BARD1: variants seen among roughly 807,000 people sequenced by gnomAD.
BARD1 encodes the protein BRCA1-associated RING domain protein 1.
A neutral mutation model predicts 77.0 loss-of-function variants in BARD1; 73 were observed. That is an observed-to-expected ratio of 0.95 (90% CI 0.79 to 1.15). The LOEUF (loss-of-function observed/expected upper bound fraction) is 1.15. Among genes scored for constraint, BARD1 ranks in the 50% most tolerant of loss-of-function variants. BARD1 has a pLI of 0.00. For missense variants in BARD1, 993 were observed against 938.8 expected (o/e 1.06, Z -0.75); for synonymous variants, 384 against 338.0 (o/e 1.14, Z -1.49).
At chr2:214,751,218 C>A (rs1171312721) in intron 7 of BARD1, among the ~76,000 whole-genome samples, 1 of 130,188 alleles carries the variant, frequency 7.7e-6, no homozygotes, top group Non-Finnish European at 1.6e-5. Flanking sequence ...AATGCAGTGG[C>A]CTGATCTCGG....
chr2:214,771,707 G>A (rs1487662924), intron 4 of BARD1, among the ~76,000 whole-genome samples: 16 of 150,920 alleles, frequency 1.1e-4, no homozygotes, highest in Admixed American at 6.6e-5. Flanking sequence ...CAGCCTGGGC[G>A]ACAGAGCGAG....
intron 6 of BARD1, among the ~76,000 whole-genome samples, chr2:214,756,679 C>A (rs1024569543): frequency 1.7e-4 from 26 of 152,168 alleles, no homozygotes; most frequent in African/African-American, 6.3e-4. Context: ...GCATTCACAG[C>A]AACCTGGATG....
intron 2 of BARD1, among the ~76,000 whole-genome samples, chr2:214,792,818 G>A (rs1383193975): frequency 1.3e-5 from 2 of 152,090 alleles, no homozygotes. Context: ...AACTACTGCA[G>A]ACACTGGGAA....
chr2:214,757,933 C>CAA (rs77798567), intron 6 of BARD1, among the ~76,000 whole-genome samples: 12 of 149,938 alleles, frequency 8.0e-5, no homozygotes, highest in Admixed American at 2.0e-4. Context: ...TTAGAACCAC[C>CAA]AAAAAAAAGG....
chr2:214,768,660 T>A (rs959441117), intron 5 of BARD1, among the ~76,000 whole-genome samples: 1 of 152,218 alleles, frequency 6.6e-6, no homozygotes, highest in African/African-American at 2.4e-5. Context: ...CCTAATGTAA[T>A]TGGCCTACAT....
chr2:214,808,859 T>C (rs1696409499), intron 1 of BARD1, among the ~76,000 whole-genome samples: 2 of 152,236 alleles, frequency 1.3e-5, no homozygotes, highest in Non-Finnish European at 2.9e-5. Context: ...AGAAATTCCG[T>C]GCCATCTTCA....
Position 214,730,993 on chromosome 2 carries a change from T to C in BARD1, c.1904-485A>G, listed in dbSNP as rs571154441. 51 of 441,456 alleles carry C rather than the reference T, an allele frequency of 1.2e-4. No individual in the cohort carries two copies. The highest frequency in any genetic ancestry group is 2.2e-4 in the Non-Finnish European group (48 of 218,844). The allele number at this position is 441,456 out of a possible 1,614,324, so 27.3% of individuals were successfully genotyped here. A position where few individuals can be genotyped will look rare whatever the true frequency, so the allele number is the denominator to read the frequency against. Reference sequence around the variant, plus strand: ...TGACATGAAGGAATGTGCTTTAGTCTACAGCACCAAGCTCAGCTAGCCACA... The same window carrying C: ...TGACATGAAGGAATGTGCTTTAGTCCACAGCACCAAGCTCAGCTAGCCACA... On this transcript the variant is annotated intron_variant, in intron 9 of 10. Transcript: ENST00000260947.
intron 7 of BARD1, among the ~76,000 whole-genome samples, chr2:214,746,501 C>T (rs1445199581): frequency 6.6e-6 from 1 of 151,904 alleles, no homozygotes; most frequent in Admixed American, 6.6e-5. Flanking sequence ...TTAGAATTCA[C>T]AGAAGACAAA....
rs1574818102 is a variant in BARD1 at position 214,780,885 on chromosome 2, C to A, written c.989G>T (p.Ser330Ile). The change falls in exon 4 of 11, where the codon AGT (serine) becomes ATT (isoleucine). Residue 330 changes from serine (S) to isoleucine (I), a missense_variant. Physicochemically the swap from Ser to Ile is moderately radical, Grantham distance 142 (BLOSUM62 -2). Coordinates refer to ENST00000260947, the MANE Select transcript of BARD1 (RefSeq NM_000465.4). ...GGTTCTACATCTCTTAGAAATGGGA[C>A]TGGAAAGTCTATTGTGATGGCCACG... ...GKRGHHNRLS[S>I]PISKRCRTSI... 1 of 1,614,080 alleles carries A rather than the reference C, an allele frequency of 6.2e-7. No homozygotes were observed. Among genetic ancestry groups the A allele is most frequent in the South Asian group, 1.1e-5 (1 of 91,078 alleles).
chr2:214,805,381 C>T (rs149382513), intron 1 of BARD1, among the ~76,000 whole-genome samples: 102 of 152,244 alleles, frequency 6.7e-4, no homozygotes, highest in Middle Eastern at 3.4e-3. Flanking sequence ...AGTGATTTCT[C>T]GTTATTCTAA....
rs932835957 is a variant in BARD1, at chr2:214,743,674, C to T, written c.1903+1393G>A. 4.8e-5 allele frequency among the ~76,000 whole-genome samples: 7 copies of T among 146,998 alleles called. No individual in the cohort carries two copies. In the East Asian group the frequency reaches 1.0e-3, roughly 21 times the overall value. ...TCTCGGCTCACTGCAACCTCCACCT[C>T]CCGGGGTCAAGTGATTCTCCTGCCT... On this transcript the variant is annotated intron_variant, in intron 9 of 10. Transcript: ENST00000260947.
In BARD1 at chr2:214,766,752, C is replaced by T. The variant is rs1353253058; in HGVS notation, c.1568+730G>A. ...TTGTAATACCTAATAGTATGAAATG[C>T]TGTATAAATATTTATACTATATTGT... On this transcript the variant is annotated intron_variant, in intron 6 of 10. Transcript: ENST00000260947. 1.3e-5 allele frequency among the ~76,000 whole-genome samples: 2 copies of T among 152,272 alleles called. 1 individual carries two copies. The highest frequency in any genetic ancestry group is 3.9e-4 in the East Asian group (2 of 5,192).
At chr2:214,738,553 T>C (rs1196247035) in intron 9 of BARD1, among the ~76,000 whole-genome samples, 1 of 152,156 alleles carries the variant, frequency 6.6e-6, no homozygotes, top group Non-Finnish European at 1.5e-5. Context: ...TCAGTAGATG[T>C]ATATTTCTGT....
chr2:214,787,226 T>TA (rs766833482), intron 3 of BARD1, among the ~76,000 whole-genome samples: 1 of 151,824 alleles, frequency 6.6e-6, no homozygotes, highest in Admixed American at 6.6e-5. Flanking sequence ...CTCAACTGAC[T>TA]AAAAAACCTC....
chr2:214,769,750 A>C (rs1694389609), intron 4 of BARD1, among the ~76,000 whole-genome samples: 1 of 152,206 alleles, frequency 6.6e-6, no homozygotes, highest in Non-Finnish European at 1.5e-5. Flanking sequence ...CAAAAAAACA[A>C]AACAAAAAAG....
At chr2:214,771,889 G>T (rs1694509821) in intron 4 of BARD1, among the ~76,000 whole-genome samples, 1 of 138,574 alleles carries the variant, frequency 7.2e-6, no homozygotes, top group Non-Finnish European at 1.5e-5. Flanking sequence ...GGTCTAAAAG[G>T]ATTGTAGGTT....
intron 1 of BARD1, among the ~76,000 whole-genome samples, chr2:214,800,697 A>G (rs1275868347): frequency 6.6e-6 from 1 of 152,224 alleles, no homozygotes; most frequent in Non-Finnish European, 1.5e-5. Context: ...TTCAAACATC[A>G]AAGATATCTA....
intron 2 of BARD1, chr2:214,796,762 G>T: frequency 3.0e-6 from 1 of 336,766 alleles, no homozygotes; most frequent in Non-Finnish European, 5.5e-6. Flanking sequence ...AATTTAACTG[G>T]AAAATTTAAA....
intron 1 of BARD1, among the ~76,000 whole-genome samples, chr2:214,804,245 A>T (rs1395544797): frequency 1.3e-5 from 2 of 152,220 alleles, no homozygotes; most frequent in Non-Finnish European, 2.9e-5. Flanking sequence ...TGGAACCTAT[A>T]GGGGATTCTT....
Sources: gnomAD v4.1 joint callset for allele counts (sites outside exome capture counted in the v4.1 genomes callset) on GRCh38, gnomAD v4.1.1 for gene constraint, MANE v1.5 for transcripts, NCBI Gene and HGNC (gene_info 2026-07-23, HGNC 2026-07-21) for gene names.